Variants in PAGE2B observed in about 807,000 individuals in gnomAD.
PAGE2B encodes the protein putative G antigen family E member 3.
In PAGE2B, 5 loss-of-function variants were observed where a neutral mutation model predicts 7.6. The observed-to-expected ratio is 0.66, with a 90% CI of 0.34 to 1.38. The LOEUF (loss-of-function observed/expected upper bound fraction) is 1.38, where lower values mean the gene tolerates loss of function less well. PAGE2B is among the 40% of genes most tolerant of loss of function. The pLI, the probability that PAGE2B is intolerant of heterozygous loss-of-function variation, is 0.04. For synonymous variants in PAGE2B, 29 were observed against 26.7 expected, an observed-to-expected ratio of 1.09 and a Z score of -0.27; for missense variants, 70 against 78.4, an observed-to-expected ratio of 0.89 and a Z score of 0.41.
At chrX:55,035,961 C>T in the PAGE2B span, among the ~76,000 whole-genome samples, 1 of 111,480 alleles carries the variant, frequency 9.0e-6, no homozygotes, top group South Asian at 3.8e-4. Context: ...TTGTTTTTAT[C>T]CTCTTTTATT....
the PAGE2B span, among the ~76,000 whole-genome samples, chrX:55,040,852 T>C: frequency 3.6e-5 from 4 of 111,432 alleles, no homozygotes; most frequent in Non-Finnish European, 5.6e-5. Context: ...ACAAAACCTA[T>C]ATAAAATGCT....
chrX:55,043,283 G>T, the PAGE2B span, among the ~76,000 whole-genome samples: 4 of 111,868 alleles, frequency 3.6e-5, no homozygotes, highest in Non-Finnish European at 7.5e-5. Flanking sequence ...CTTAGGCAAA[G>T]ACTTCATGAC....
At chrX:55,046,934 CT>C in the PAGE2B span, among the ~76,000 whole-genome samples, 2,309 of 110,417 alleles carry the variant, frequency 0.021, 44 homozygotes, top group African/African-American at 0.062. Flanking sequence ...CAGAGATTCA[CT>C]TTTTTTTTAT....
intron 2 of PAGE2B, 68 bp downstream of exon 2, chrX:55,076,193 G>A (rs137891929): frequency 4.6e-6 from 5 of 1,084,864 alleles, no homozygotes; most frequent in Non-Finnish European, 6.3e-6. Flanking sequence ...TTGAGCTAGT[G>A]TACACGCACT....
chrX:55,054,374 A>G, the PAGE2B span, among the ~76,000 whole-genome samples: 11 of 112,616 alleles, frequency 9.8e-5, no homozygotes, highest in African/African-American at 3.5e-4. Context: ...GTCTATTTAC[A>G]TGTCAGTGTT....
At chrX:55,045,190 G>A in the PAGE2B span, 1 of 111,881 alleles carries the variant, frequency 8.9e-6, no homozygotes, top group South Asian at 3.7e-4. Flanking sequence ...AGTTCGGTAT[G>A]ATGATAAAAT....
At chrX:55,028,514 G>C in the PAGE2B span, among the ~76,000 whole-genome samples, 1 of 111,574 alleles carries the variant, frequency 9.0e-6, no homozygotes, top group Non-Finnish European at 1.9e-5. Context: ...TGGTGGAGAA[G>C]ACCTACCTCC....
At chrX:55,065,055 G>C in the PAGE2B span, among the ~76,000 whole-genome samples, 77 of 111,945 alleles carry the variant, frequency 6.9e-4, no homozygotes, top group African/African-American at 2.5e-3. Context: ...GTAAATATCT[G>C]TTAGGTCCAC....
the PAGE2B span, among the ~76,000 whole-genome samples, chrX:55,049,613 T>C: frequency 2.7e-5 from 3 of 112,003 alleles, no homozygotes; most frequent in Non-Finnish European, 5.6e-5. Context: ...TATAGTATTC[T>C]CTGATGGTAG....
At chrX:55,034,734 GAC>G in the PAGE2B span, among the ~76,000 whole-genome samples, 955 of 104,740 alleles carry the variant, frequency 9.1e-3, 11 homozygotes, top group African/African-American at 0.031. Flanking sequence ...ACTAATAGGA[GAC>G]ACACACACAC....
At chrX:55,048,067 T>C in the PAGE2B span, among the ~76,000 whole-genome samples, 56 of 112,069 alleles carry the variant, frequency 5.0e-4, no homozygotes, top group Non-Finnish European at 9.4e-4. Flanking sequence ...ATTTATTAGA[T>C]AGGGAATCCT....
the PAGE2B span, chrX:55,055,979 G>C: frequency 9.0e-6 from 1 of 111,411 alleles, no homozygotes; most frequent in African/African-American, 3.3e-5. Context: ...CTGTGGATAT[G>C]AGTGATGTTA....
At chrX:55,041,173 C>T in the PAGE2B span, among the ~76,000 whole-genome samples, 2 of 103,347 alleles carry the variant, frequency 1.9e-5, no homozygotes, top group Non-Finnish European at 4.0e-5. Context: ...TCTCCACCTC[C>T]CGGGTTCATG....
the PAGE2B span, among the ~76,000 whole-genome samples, chrX:55,063,906 C>G: frequency 9.0e-6 from 1 of 110,709 alleles, no homozygotes; most frequent in Non-Finnish European, 1.9e-5. Flanking sequence ...GGTTAAATCC[C>G]ACTTGGTCAT....
the PAGE2B span, among the ~76,000 whole-genome samples, chrX:55,047,916 C>T: frequency 1.8e-5 from 2 of 111,740 alleles, no homozygotes; most frequent in Non-Finnish European, 3.8e-5. Context: ...ATGGTATTGC[C>T]TAGGTTTTCT....
At chrX:55,072,985 C>A (rs1171314668), upstream of PAGE2B, among the ~76,000 whole-genome samples, 1 of 111,732 alleles carries the variant, frequency 8.9e-6, no homozygotes, top group Non-Finnish European at 1.9e-5. Context: ...CAAGCCAGTG[C>A]TTCTTAGCTT....
chrX:55,048,369 G>C, the PAGE2B span, among the ~76,000 whole-genome samples: 2 of 111,660 alleles, frequency 1.8e-5, no homozygotes, highest in Non-Finnish European at 3.8e-5. Context: ...GATGGGGATG[G>C]CATTGAATCT....
the PAGE2B span, among the ~76,000 whole-genome samples, chrX:55,035,989 G>A: frequency 9.0e-6 from 1 of 111,592 alleles, no homozygotes; most frequent in Non-Finnish European, 1.9e-5. Flanking sequence ...GCAGTGGTTT[G>A]TAGTTCTCCT....
chrX:55,071,816 T>A (rs1249213433), upstream of PAGE2B, among the ~76,000 whole-genome samples: 1 of 111,892 alleles, frequency 8.9e-6, no homozygotes, highest in Non-Finnish European at 1.9e-5. Flanking sequence ...CAATCTCTGA[T>A]TCAATCACTT....
Sources: gnomAD v4.1 joint callset for allele counts (sites outside exome capture counted in the v4.1 genomes callset) on GRCh38, gnomAD v4.1.1 for gene constraint, MANE v1.5 for transcripts, NCBI Gene and HGNC (gene_info 2026-07-23, HGNC 2026-07-21) for gene names.